The following SORCS3 variants were observed in gnomAD, a reference collection of about 807,000 sequenced individuals.
The protein encoded by SORCS3 is sortilin related VPS10 domain containing receptor 3.
Under a neutral mutation model 146.3 loss-of-function variants are expected in SORCS3, and 57 were observed. The observed-to-expected ratio is 0.39, with a 90% CI of 0.31 to 0.49. The LOEUF is 0.49. Among genes scored for constraint, SORCS3 ranks in the 20% least tolerant of loss-of-function variants. The pLI is 0.92. For synonymous variants in SORCS3, 653 were observed against 618.5 expected (o/e 1.06, Z -0.83); for missense variants, 1,341 against 1,575.5 (o/e 0.85, Z 2.52).
intron 6 of SORCS3, among the ~76,000 whole-genome samples, chr10:105,103,272 C>T (rs791102): frequency 0.13 from 19,598 of 152,070 alleles, 1,646 homozygotes; most frequent in Middle Eastern, 0.19. Context: ...CATCTACCCC[C>T]GCTAGTTTTA....
intron 6 of SORCS3, among the ~76,000 whole-genome samples, chr10:105,090,905 T>C (rs1403423787): frequency 6.6e-6 from 1 of 152,240 alleles, no homozygotes; most frequent in Non-Finnish European, 1.5e-5. Context: ...TAAGTAAAAC[T>C]GCATGTGCTT....
intron 1 of SORCS3, among the ~76,000 whole-genome samples, chr10:104,837,850 C>A (rs1006358918): frequency 6.6e-6 from 1 of 152,130 alleles, no homozygotes; most frequent in African/African-American, 2.4e-5. Flanking sequence ...TTGCCTTGCA[C>A]GGAAGCCCAC....
chr10:105,125,676 T>C (rs1234294903), intron 7 of SORCS3, among the ~76,000 whole-genome samples: 30 of 13,546 alleles, frequency 2.2e-3, no homozygotes, highest in Admixed American at 0.022. Flanking sequence ...CATCACTGAA[T>C]ATCCACACAC....
chr10:104,849,549 G>T (rs979698121), intron 2 of SORCS3, among the ~76,000 whole-genome samples: 6 of 152,204 alleles, frequency 3.9e-5, no homozygotes, highest in African/African-American at 1.2e-4. Context: ...AAACAGCCTG[G>T]ATGTGAACCC....
intron 15 of SORCS3, 30 bp downstream of exon 15, chr10:105,200,146 C>A: frequency 6.4e-7 from 1 of 1,560,512 alleles, no homozygotes; most frequent in Non-Finnish European, 8.8e-7. Context: ...GGAGTGCTGG[C>A]TTTGAGGAGG....
Position 104,980,388 on chromosome 10 carries a change from A to C in SORCS3, c.954+2895A>C, listed in dbSNP as rs906451690. Among the ~76,000 whole-genome samples the C allele has an allele frequency of 2.2e-4, 33 of 152,340 alleles. 1 individual carries two copies. The highest frequency in any genetic ancestry group is 7.5e-4 in the African/African-American group (31 of 41,586). ...GAGATGGCATAAAACACCTAGCCCC[A>C]GTCATCCAGGTTGCAGAAGAGTTTT... On this transcript the variant is annotated intron_variant, in intron 4 of 26. Transcript: ENST00000369701.
At chr10:105,222,366 A>G (rs151021121) in intron 19 of SORCS3, among the ~76,000 whole-genome samples, 77 of 152,146 alleles carry the variant, frequency 5.1e-4, no homozygotes, top group Non-Finnish European at 9.9e-4. Flanking sequence ...CCGCATTAAC[A>G]CTGTTTCATC....
At chr10:104,932,563 A>G (rs1348615278) in intron 3 of SORCS3, among the ~76,000 whole-genome samples, 1 of 152,224 alleles carries the variant, frequency 6.6e-6, no homozygotes, top group Non-Finnish European at 1.5e-5. Flanking sequence ...ACAGGAGAAC[A>G]TCTACCTCAT....
chr10:104,972,358 A>G (rs181413730), intron 3 of SORCS3, among the ~76,000 whole-genome samples: 7 of 152,304 alleles, frequency 4.6e-5, no homozygotes, highest in Non-Finnish European at 8.8e-5. Context: ...TTTTCATTAC[A>G]ATATTTCTGT....
Position 105,245,665 on chromosome 10 carries a change from G to A in SORCS3, c.2992G>A (p.Glu998Lys). The A allele has an allele frequency of 6.2e-7, 1 of 1,613,874 alleles. No homozygotes were observed. Among genetic ancestry groups the A allele is most frequent in the Non-Finnish European group, 8.5e-7 (1 of 1,179,918 alleles). The stretch of plus-strand genomic sequence containing the variant: ...GGACACAAAAGAGATTGCAGTTCAT[G>A]GTAAGCCCTGAAAATTGTTCTGTGA... ...IQDTKEIAVHEYFQSQLLSFS... is the reference protein window; with the variant it reads ...IQDTKEIAVHKYFQSQLLSFS... Residue 998 changes from glutamate to lysine, a missense_variant and splice_region_variant, in exon 21 of 27, where the codon GAA (glutamate) becomes AAA (lysine). By Grantham distance (56) the Glu-to-Lys change is moderately conservative. Transcript: ENST00000369701.
chr10:105,213,554 T>C (rs1436983659), intron 17 of SORCS3, among the ~76,000 whole-genome samples: 2 of 152,126 alleles, frequency 1.3e-5, no homozygotes, highest in Non-Finnish European at 2.9e-5. Flanking sequence ...AGAACATTTG[T>C]TTTTTCAGTG....
chr10:104,878,873 T>C (rs953518264), intron 2 of SORCS3, among the ~76,000 whole-genome samples: 1 of 152,148 alleles, frequency 6.6e-6, no homozygotes, highest in African/African-American at 2.4e-5. Flanking sequence ...ATGCGACCAT[T>C]GATCCCAGCC....
At chr10:104,728,500 G>A (rs2016668294) in intron 1 of SORCS3, among the ~76,000 whole-genome samples, 1 of 152,284 alleles carries the variant, frequency 6.6e-6, no homozygotes, top group South Asian at 2.1e-4. Flanking sequence ...GTTGATTGAA[G>A]CCAAGAAAAT....
Position 104,860,589 on chromosome 10 carries a change from GA to G in SORCS3, c.695+17738del, listed in dbSNP as rs898445848. Reference sequence around the variant, plus strand: ...TATAATAATAATAAAAAACAGAAAAGAAAAAAAATGAAAACAACAACAGCAG... The same window carrying G: ...TATAATAATAATAAAAAACAGAAAAGAAAAAAATGAAAACAACAACAGCAG... On this transcript the variant is annotated intron_variant, in intron 2 of 26. Coordinates refer to ENST00000369701, the MANE Select transcript of SORCS3 (RefSeq NM_014978.3). 9.2e-5 allele frequency among the ~76,000 whole-genome samples: 14 copies of G among 151,614 alleles called. No individual in the cohort carries two copies. In the South Asian group the frequency reaches 1.0e-3, roughly 11 times the overall value.
intron 4 of SORCS3, among the ~76,000 whole-genome samples, chr10:105,011,024 G>A (rs1386702536): frequency 6.6e-6 from 1 of 152,124 alleles, no homozygotes; most frequent in Non-Finnish European, 1.5e-5. Context: ...GAAGGGCAGA[G>A]AAAATCATCA....
At chr10:104,810,956 A>C (rs2017733458) in intron 1 of SORCS3, among the ~76,000 whole-genome samples, 1 of 152,212 alleles carries the variant, frequency 6.6e-6, no homozygotes, top group South Asian at 2.1e-4. Context: ...TTCAAAACTC[A>C]TAGAGATGTA....
chr10:104,647,180 T>A (rs1436464101), intron 1 of SORCS3, among the ~76,000 whole-genome samples: 1 of 152,184 alleles, frequency 6.6e-6, no homozygotes, highest in Non-Finnish European at 1.5e-5. Context: ...TCCATTAGCC[T>A]GGCATTCAAG....
Position 105,223,246 on chromosome 10 carries a change from A to G in SORCS3, c.2865A>G (p.Thr955=). Residue 955 remains threonine, a synonymous_variant, in exon 20 of 27, where the codon ACA becomes ACG. Coordinates refer to ENST00000369701, the MANE Select transcript of SORCS3 (RefSeq NM_014978.3). The part of the protein sequence containing the change: ...LTYFWWFGNS[T]KPLITLDSSI... The stretch of plus-strand genomic sequence containing the variant: ...ATTTCTGGTGGTTCGGCAATAGCAC[A>G]AAGGTTTGGCCCTTTCTGATTGATG... 1 of 1,610,848 alleles carries G rather than the reference A, an allele frequency of 6.2e-7. No homozygotes were observed. Among genetic ancestry groups the G allele is most frequent in the African/African-American group, 1.3e-5 (1 of 74,958 alleles).
At chr10:105,239,518 G>T (rs539703789) in intron 20 of SORCS3, among the ~76,000 whole-genome samples, 13 of 152,120 alleles carry the variant, frequency 8.5e-5, no homozygotes, top group African/African-American at 2.9e-4. Flanking sequence ...GAGCTTTGTC[G>T]ATTTCTTGCT....
Sources: allele counts gnomAD v4.1 joint callset (sites outside exome capture counted in the v4.1 genomes callset), GRCh38; gene constraint gnomAD v4.1.1; transcripts MANE v1.5; gene names NCBI Gene and HGNC (gene_info 2026-07-23, HGNC 2026-07-21).